SYN3: variants seen among roughly 807,000 people sequenced by gnomAD.
SYN3 encodes synapsin-3.
Under a neutral mutation model 65.8 loss-of-function variants are expected in SYN3, and 35 were observed. The ratio of observed to expected loss-of-function variants is 0.53; its 90% confidence interval spans 0.41 to 0.70. SYN3 has a LOEUF of 0.70. Ranked by LOEUF, SYN3 falls within the 30% of genes least tolerant of loss-of-function variation. The pLI is 0.00. For synonymous variants in SYN3, 270 were observed against 292.9 expected, an observed-to-expected ratio of 0.92 and a Z score of 0.80; for missense variants, 680 against 749.0, an observed-to-expected ratio of 0.91 and a Z score of 1.08.
intron 1 of SYN3, among the ~76,000 whole-genome samples, chr22:33,038,896 G>C (rs2053910157): frequency 6.6e-6 from 1 of 152,162 alleles, no homozygotes; most frequent in Non-Finnish European, 1.5e-5. Context: ...GAAGCCCCGG[G>C]GCTGTTCTGG....
intron 6 of SYN3, among the ~76,000 whole-genome samples, chr22:32,823,346 A>G (rs1222032475): frequency 6.6e-6 from 1 of 152,070 alleles, no homozygotes; most frequent in Admixed American, 6.5e-5. Context: ...AGAATGCCGC[A>G]AGGGATGTTT....
intron 6 of SYN3, among the ~76,000 whole-genome samples, chr22:32,685,667 G>A (rs1236540249): frequency 1.3e-5 from 2 of 152,212 alleles, no homozygotes; most frequent in African/African-American, 4.8e-5. Flanking sequence ...CCAGGTTTGT[G>A]TAAGTGCGCT....
At chr22:32,926,987 G>A (rs2050490985) in intron 4 of SYN3, among the ~76,000 whole-genome samples, 1 of 152,156 alleles carries the variant, frequency 6.6e-6, no homozygotes, top group African/African-American at 2.4e-5. Context: ...ACAAGAATAT[G>A]GGCTTGGGGA....
At chr22:32,965,285 CTTTG>C (rs1601802385) in intron 3 of SYN3, among the ~76,000 whole-genome samples, 1 of 152,134 alleles carries the variant, frequency 6.6e-6, no homozygotes, top group South Asian at 2.1e-4. Context: ...AGGGCTAATG[CTTTG>C]TTTGTGTTGT....
At chr22:32,945,029 A>G (rs182780179) in intron 3 of SYN3, among the ~76,000 whole-genome samples, 24 of 152,324 alleles carry the variant, frequency 1.6e-4, no homozygotes, top group African/African-American at 5.1e-4. Flanking sequence ...CCACTGCTCA[A>G]CGAAATAAAG....
At chr22:32,848,259 G>A (rs1418336635) in intron 6 of SYN3, among the ~76,000 whole-genome samples, 1 of 152,202 alleles carries the variant, frequency 6.6e-6, no homozygotes, top group Admixed American at 6.5e-5. Flanking sequence ...TGTATTCATA[G>A]TTAACTAGTA....
intron 6 of SYN3, among the ~76,000 whole-genome samples, chr22:32,782,546 C>A (rs2046096412): frequency 7.5e-6 from 1 of 134,218 alleles, no homozygotes; most frequent in African/African-American, 2.8e-5. Context: ...GAGACAGAGT[C>A]TCGTACTGTC....
chr22:32,849,394 T>A (rs983925839), intron 6 of SYN3: 1 of 1,511,326 alleles, frequency 6.6e-7, no homozygotes, highest in Admixed American at 1.7e-5. Flanking sequence ...CCTGAGATGC[T>A]GTTCCTGATG....
intron 4 of SYN3, 99 bp downstream of exon 4, chr22:32,931,291 C>T (rs1047863552): frequency 2.5e-6 from 2 of 787,698 alleles, no homozygotes; most frequent in Non-Finnish European, 4.4e-6. Flanking sequence ...GTACATGTGG[C>T]AAAGGAGTTA....
intron 6 of SYN3, among the ~76,000 whole-genome samples, chr22:32,770,585 A>G (rs932425427): frequency 1.2e-4 from 19 of 152,046 alleles, no homozygotes; most frequent in African/African-American, 4.1e-4. Flanking sequence ...AGAAACCCAC[A>G]TGGCTCTCTC....
intron 3 of SYN3, among the ~76,000 whole-genome samples, chr22:32,957,864 C>T (rs1011605644): frequency 1.3e-5 from 2 of 152,226 alleles, no homozygotes; most frequent in African/African-American, 2.4e-5. Context: ...TTCTCAGATG[C>T]TCATTTTCTT....
At chr22:32,556,803 G>T (rs2157190) in intron 7 of SYN3, among the ~76,000 whole-genome samples, 5,692 of 34,468 alleles carry the variant, frequency 0.17, 1,359 homozygotes, top group South Asian at 0.3. Flanking sequence ...TAGGTTTCCT[G>T]GTTTTTTTTT....
intron 6 of SYN3, among the ~76,000 whole-genome samples, chr22:32,728,737 C>G (rs1209793837): frequency 6.6e-6 from 1 of 152,056 alleles, no homozygotes. Context: ...TGTTGGAGAC[C>G]CCTGAGGTAT....
At chr22:32,982,409 A>G (rs1037556033) in intron 2 of SYN3, among the ~76,000 whole-genome samples, 2 of 151,934 alleles carry the variant, frequency 1.3e-5, no homozygotes, top group Non-Finnish European at 2.9e-5. Context: ...TCATCAGTAC[A>G]TGACATCCCT....
intron 6 of SYN3, among the ~76,000 whole-genome samples, chr22:32,597,353 T>A (rs1299640928): frequency 6.6e-6 from 1 of 151,844 alleles, no homozygotes; most frequent in Non-Finnish European, 1.5e-5. Context: ...GTAGCTGGGA[T>A]TACAGATGCC....
intron 6 of SYN3, among the ~76,000 whole-genome samples, chr22:32,794,617 G>T (rs1281824794): frequency 5.9e-5 from 9 of 152,162 alleles, no homozygotes; most frequent in Non-Finnish European, 1.2e-4. Context: ...AGAAGCACCT[G>T]GATTTGCTCG....
chr22:32,637,542 A>G (rs2059833011), intron 6 of SYN3, among the ~76,000 whole-genome samples: 1 of 151,482 alleles, frequency 6.6e-6, no homozygotes, highest in Non-Finnish European at 1.5e-5. Context: ...GGCGTATTGC[A>G]TGATGCTGGG....
intron 1 of SYN3, chr22:33,015,220 CAAAAAAAAA>C (rs1158885870): frequency 9.9e-6 from 1 of 101,066 alleles, no homozygotes; most frequent in Non-Finnish European, 1.3e-5. Flanking sequence ...GACTCCGTCT[CAAAAAAAAA>C]AAAAAAAAAA....
rs1355507579 is a variant in SYN3, at chr22:32,864,918, T to C, written c.708A>G (p.Pro236=). 2.5e-6 allele frequency: 4 copies of C among 1,613,588 alleles called. No individual in the cohort carries two copies. The change falls in exon 6 of 14, where the codon CCA becomes CCG. Residue 236 remains proline, a synonymous_variant. Coordinates refer to ENST00000358763, the MANE Select transcript of SYN3 (RefSeq NM_003490.4). ...CAGAGTAAAAAAGGGCACTCACCATTGGCTTATGGTTGGGGAAAAATGTTT... is the reference window on the plus strand; with the variant it reads ...CAGAGTAAAAAAGGGCACTCACCATCGGCTTATGGTTGGGGAAAAATGTTT... The part of the protein sequence containing the change: ...VEQTFFPNHK[P]MVTAPHFPVV...
Sources: allele counts gnomAD v4.1 joint callset (sites outside exome capture counted in the v4.1 genomes callset), GRCh38; gene constraint gnomAD v4.1.1; transcripts MANE v1.5; gene names NCBI Gene and HGNC (gene_info 2026-07-23, HGNC 2026-07-21).